RAB11FIP5: variants seen among roughly 807,000 people sequenced by gnomAD.
RAB11FIP5 encodes the protein RAB11 family interacting protein 5, also known as rab11 family-interacting protein 5.
In RAB11FIP5, 48 loss-of-function variants were observed where a neutral mutation model predicts 85.1. The observed-to-expected ratio is 0.56, with a 90% CI of 0.45 to 0.72. The LOEUF is 0.72. Ranked by LOEUF, RAB11FIP5 falls within the 30% of genes least tolerant of loss-of-function variation. RAB11FIP5 has a pLI of 0.00. For synonymous variants in RAB11FIP5, 729 were observed against 727.3 expected, an observed-to-expected ratio of 1.00 and a Z score of -0.04; for missense variants, 1,491 against 1,687.0, an observed-to-expected ratio of 0.88 and a Z score of 2.04.
At chr2:73,103,349 T>G (rs1684465303) in intron 1 of RAB11FIP5, among the ~76,000 whole-genome samples, 2 of 152,000 alleles carry the variant, frequency 1.3e-5, no homozygotes, top group South Asian at 4.2e-4. Context: ...CCAGCCTCCC[T>G]CCCTCCTGGG....
At position 73,075,515 on chromosome 2, in the gene RAB11FIP5, G is replaced by A; in HGVS notation, c.*6C>T. 2 of 1,613,894 alleles carry A rather than the reference G, an allele frequency of 1.2e-6. No homozygotes were observed. Among genetic ancestry groups the A allele is most frequent in the Non-Finnish European group, 1.7e-6 (2 of 1,179,784 alleles). ...GCCAACCCTCCTGGGGGTAGGGTGA[G>A]GAAGGCTATTTGGGGGGGCCCGGGG... On this transcript the variant is annotated 3_prime_UTR_variant, in exon 6 of 6. Transcript: ENST00000486777. This position sits in a 1 kb window ranked among gnomAD's most constrained non-coding sequence, Gnocchi z 4.6.
chr2:73,109,073 A>G (rs1684591948), intron 1 of RAB11FIP5, among the ~76,000 whole-genome samples: 1 of 152,198 alleles, frequency 6.6e-6, no homozygotes, highest in South Asian at 2.1e-4. Context: ...GATGTTGAAG[A>G]TAAAAACCAG....
chr2:73,101,424 G>A (rs2106120808), intron 1 of RAB11FIP5, among the ~76,000 whole-genome samples: 1 of 152,286 alleles, frequency 6.6e-6, no homozygotes, highest in African/African-American at 2.4e-5. Flanking sequence ...CTTGAATGTG[G>A]GCTGGATATT....
intron 1 of RAB11FIP5, among the ~76,000 whole-genome samples, chr2:73,098,277 T>C (rs1684361984): frequency 6.6e-6 from 1 of 152,228 alleles, no homozygotes; most frequent in Non-Finnish European, 1.5e-5. Context: ...AGCACCAATA[T>C]GATGCTCAAA....
chr2:73,105,263 G>A (rs1389629084), intron 1 of RAB11FIP5, among the ~76,000 whole-genome samples: 2 of 151,904 alleles, frequency 1.3e-5, no homozygotes, highest in Non-Finnish European at 2.9e-5. Context: ...TATTTTTTGA[G>A]ACAGGATCTT....
intron 1 of RAB11FIP5, among the ~76,000 whole-genome samples, chr2:73,106,371 G>T (rs1684526177): frequency 6.6e-6 from 1 of 152,218 alleles, no homozygotes; most frequent in Non-Finnish European, 1.5e-5. Context: ...GGAGACCACA[G>T]CCAGCGCCAG....
chr2:73,102,591 C>T (rs1684450105), intron 1 of RAB11FIP5, among the ~76,000 whole-genome samples: 1 of 152,176 alleles, frequency 6.6e-6, no homozygotes, highest in Non-Finnish European at 1.5e-5. Flanking sequence ...CCTGCGGCAG[C>T]ACTATGGCAG....
At position 73,075,761 on chromosome 2, in the gene RAB11FIP5, T is replaced by C; in HGVS notation, c.3772-37A>G. The C allele has an allele frequency of 6.7e-7, 1 of 1,482,244 alleles. No homozygotes were observed. The highest frequency in any genetic ancestry group is 9.0e-7 in the Non-Finnish European group (1 of 1,107,188). The allele number at this position is 1,482,244 out of a possible 1,614,324, so 91.8% of individuals were successfully genotyped here. A position where few individuals can be genotyped will look rare whatever the true frequency, so the allele number is the denominator to read the frequency against. ...CCGAAGACAGTGAGCAGGGCAGCCC[T>C]AGGCCTGCCTGCCTGCCTGCCCGCT... is the stretch of plus-strand genomic sequence containing the variant. On this transcript the variant is annotated intron_variant, in intron 5 of 5. Transcript: ENST00000486777. The surrounding 1 kb of genome is among the most constrained non-coding windows in gnomAD (Gnocchi z 4.6).
rs939814635 is a variant in RAB11FIP5 at position 73,080,708 on chromosome 2, G to A, written c.2524C>T (p.Pro842Ser). ...AWPWDVVTIS[P>S]AAETASLVFR... The stretch of plus-strand genomic sequence containing the variant: ...ACTAGTGAGGCTGTCTCAGCTGCAG[G>A]AGAAATGGTGACCACATCCCAAGGC... The change falls in exon 4 of 6, where the codon CCT becomes TCT. Residue 842 changes from proline to serine, a missense_variant. Pro to Ser is a moderately conservative substitution (Grantham distance 74, BLOSUM62 -1). Coordinates refer to ENST00000486777, the MANE Select transcript of RAB11FIP5 (RefSeq NM_001371272.1). 1 of 1,232,442 alleles carries A rather than the reference G, an allele frequency of 8.1e-7. No individual in the cohort carries two copies. Among genetic ancestry groups the A allele is most frequent in the Non-Finnish European group, 1.0e-6 (1 of 988,108 alleles). 76.3% of individuals were successfully genotyped at this position (1,232,442 alleles called of 1,614,324 possible). A position where few individuals can be genotyped will look rare whatever the true frequency, so the allele number is the denominator to read the frequency against.
intron 3 of RAB11FIP5, among the ~76,000 whole-genome samples, chr2:73,085,523 G>A (rs1245988066): frequency 6.6e-6 from 1 of 152,184 alleles, no homozygotes; most frequent in African/African-American, 2.4e-5. Flanking sequence ...GCAGCTCAGT[G>A]TGAATGGCTC....
chr2:73,075,880 G>C lies in RAB11FIP5; in HGVS notation c.3771+113C>G, dbSNP rs965051155. On this transcript the variant is annotated intron_variant, in intron 5 of 5. Transcript: ENST00000486777. This position sits in a 1 kb window ranked among gnomAD's most constrained non-coding sequence, Gnocchi z 4.6. ...CAAAGTCAGAGCCTAACTGGCTTCAGGACTCTGATATGGGGGACCTGGCCT... is the reference window on the plus strand; with the variant it reads ...CAAAGTCAGAGCCTAACTGGCTTCACGACTCTGATATGGGGGACCTGGCCT... 1.6e-5 allele frequency: 23 copies of C among 1,460,344 alleles called. No individual in the cohort carries two copies. The South Asian group carries it at 3.0e-4, about 19-fold the overall frequency. 90.5% of individuals were successfully genotyped at this position (1,460,344 alleles called of 1,614,324 possible).
At chr2:73,079,033 G>A (rs72848123) in intron 4 of RAB11FIP5, among the ~76,000 whole-genome samples, 17 of 152,304 alleles carry the variant, frequency 1.1e-4, no homozygotes, top group Admixed American at 7.2e-4. Flanking sequence ...CAACTGCTGC[G>A]CGTGGGGAAC....
At position 73,074,228 on chromosome 2, in the gene RAB11FIP5, C is replaced by T. The variant is rs1683803208; in HGVS notation, c.*1293G>A. The T allele has an allele frequency of 6.6e-6, 1 of 152,208 alleles. No individual in the cohort carries two copies. The highest frequency in any genetic ancestry group is 1.9e-4 in the East Asian group (1 of 5,188). The allele number at this position is 152,208 out of a possible 1,614,324, so 9.4% of individuals were successfully genotyped here. On this transcript the variant is annotated 3_prime_UTR_variant, in exon 6 of 6. Transcript: ENST00000486777. ...ATGGGAGGACAACAAAGGCTTTTTC[C>T]TAAGTATAGGTGTCTCCCAAAGGCA...
chr2:73,081,211 A>G lies in RAB11FIP5; in HGVS notation c.2021T>C (p.Val674Ala), dbSNP rs1017414299. ...TTGCAGCCCTGCCGCCTCCAGCCCC[A>G]CTCCTGCAGGGGCCAGGATCTCGCT... ...ARSEILAPAG[V>A]GLEAAGLQDP... Residue 674 changes from valine to alanine, a missense_variant, in exon 4 of 6, where the codon GTG becomes GCG. Physicochemically the swap from Val to Ala is moderately conservative, Grantham distance 64. This residue lies in a region of RAB11FIP5 where 1,211 missense variants were observed against 1,338.0 expected (regional missense o/e 0.91). Coordinates refer to ENST00000486777, the MANE Select transcript of RAB11FIP5 (RefSeq NM_001371272.1). This position sits in a 1 kb window ranked among gnomAD's most constrained non-coding sequence, Gnocchi z 4.2. 1 of 1,230,918 alleles carries G rather than the reference A, an allele frequency of 8.1e-7. No individual in the cohort carries two copies. Among genetic ancestry groups the G allele is most frequent in the African/African-American group, 1.6e-5 (1 of 63,908 alleles). 76.2% of individuals were successfully genotyped at this position (1,230,918 alleles called of 1,614,324 possible). A position where few individuals can be genotyped will look rare whatever the true frequency, so the allele number is the denominator to read the frequency against.
chr2:73,082,550 C>G (rs1358441062), intron 3 of RAB11FIP5, among the ~76,000 whole-genome samples: 1 of 152,186 alleles, frequency 6.6e-6, no homozygotes, highest in Admixed American at 6.5e-5. Flanking sequence ...GCCTAACTGG[C>G]TAAGGAATAT....
At position 73,081,759 on chromosome 2, in the gene RAB11FIP5, G is replaced by A; in HGVS notation, c.1569-96C>T. 9.0e-7 allele frequency: 1 copy of A among 1,108,628 alleles called. No homozygotes were observed. The highest frequency in any genetic ancestry group is 1.1e-6 in the Non-Finnish European group (1 of 876,028). The allele number at this position is 1,108,628 out of a possible 1,614,324, so 68.7% of individuals were successfully genotyped here. ...CCCACCCCCTGCTTCGGGACCAGGG[G>A]CCATAACACACACATAGGCTGGATT... On this transcript the variant is annotated intron_variant, in intron 3 of 5. Coordinates refer to ENST00000486777, the MANE Select transcript of RAB11FIP5 (RefSeq NM_001371272.1). The surrounding 1 kb of genome is among the most constrained non-coding windows in gnomAD (Gnocchi z 4.2).
chr2:73,112,454 C>T lies in RAB11FIP5; in HGVS notation c.324G>A (p.Leu108=), dbSNP rs1684681462. 1 of 1,520,164 alleles carries T rather than the reference C, an allele frequency of 6.6e-7. No homozygotes were observed. Among genetic ancestry groups the T allele is most frequent in the Non-Finnish European group, 8.7e-7 (1 of 1,144,128 alleles). The allele number at this position is 1,520,164 out of a possible 1,614,324, so 94.2% of individuals were successfully genotyped here. A position where few individuals can be genotyped will look rare whatever the true frequency, so the allele number is the denominator to read the frequency against. The change falls in exon 1 of 6, where the codon CTG becomes CTA. Residue 108 remains leucine, a synonymous_variant. Transcript: ENST00000486777. The part of the protein sequence containing the change: ...WAASSAAACE[L]VLTTMHRSLI... ...GCGAGCGGTGCATGGTGGTGAGCAC[C>T]AGCTCGCAGGCGGCGGCGGAGCTCG... is the stretch of plus-strand genomic sequence containing the variant.
chr2:73,095,805 C>A (rs1216348310), intron 1 of RAB11FIP5, among the ~76,000 whole-genome samples: 1 of 152,216 alleles, frequency 6.6e-6, no homozygotes, highest in Admixed American at 6.5e-5. Flanking sequence ...CCTGAGAAGA[C>A]AGAGGCCAGT....
chr2:73,110,992 A>C (rs946735914), intron 1 of RAB11FIP5, among the ~76,000 whole-genome samples: 8 of 148,268 alleles, frequency 5.4e-5, no homozygotes, highest in African/African-American at 1.5e-4. Flanking sequence ...AGGAACCAGG[A>C]AGGAGGGAGA....
Sources: gnomAD v4.1 joint callset for allele counts (sites outside exome capture counted in the v4.1 genomes callset) on GRCh38, gnomAD v4.1.1 for gene constraint, gnomAD v4.1.1 regional missense constraint, Gnocchi (gnomAD v3.1) non-coding constraint, MANE v1.5 for transcripts, NCBI Gene and HGNC (gene_info 2026-07-23, HGNC 2026-07-21) for gene names.